Variants in PLD1 observed in about 807,000 individuals in gnomAD.
The protein encoded by PLD1 is phospholipase D1.
In PLD1, 112 loss-of-function variants were observed where a neutral mutation model predicts 137.1. That is an observed-to-expected ratio of 0.82 (90% CI 0.70 to 0.96). PLD1 has a LOEUF of 0.96. PLD1 is among the 40% of genes least tolerant of loss of function. The probability of loss-of-function intolerance (pLI) is 0.00; values close to 1 mark genes in which losing one functional copy is unlikely to be tolerated. For synonymous variants in PLD1, 431 were observed against 454.7 expected, an observed-to-expected ratio of 0.95 and a Z score of 0.66; for missense variants, 1,321 against 1,342.0, an observed-to-expected ratio of 0.98 and a Z score of 0.24.
chr3:171,755,731 A>G (rs1419980212), intron 1 of PLD1, among the ~76,000 whole-genome samples: 2 of 152,152 alleles, frequency 1.3e-5, no homozygotes, highest in African/African-American at 4.8e-5. Context: ...CCCTGAAGAG[A>G]GAGGCCATCT....
At chr3:171,737,478 C>G (rs1578385120) in intron 3 of PLD1, 54 bp downstream of exon 3, 10 of 1,505,340 alleles carry the variant, frequency 6.6e-6, no homozygotes, top group Admixed American at 2.1e-5. Context: ...AGGCTATGTA[C>G]TAATTCACAT....
chr3:171,708,761 T>C lies in PLD1; in HGVS notation c.1139A>G (p.Asp380Gly). Residue 380 changes from aspartate to glycine, a missense_variant, in exon 11 of 27, where the codon GAC (aspartate) becomes GGC (glycine). Coordinates refer to ENST00000351298, the MANE Select transcript of PLD1 (RefSeq NM_002662.5). ...CCCAGGGACAAATACTAACCACCAGTCTGTGATAAAAATCTCTTCATTTGC... is the reference window on the plus strand; with the variant it reads ...CCCAGGGACAAATACTAACCACCAGCCTGTGATAAAAATCTCTTCATTTGC... ...EEANEEIFIT[D>G]WWLSPEIFLK... The C allele has an allele frequency of 6.3e-7, 1 of 1,575,036 alleles. No individual in the cohort carries two copies. The highest frequency in any genetic ancestry group is 1.1e-5 in the South Asian group (1 of 90,316).
intron 21 of PLD1, among the ~76,000 whole-genome samples, chr3:171,646,815 T>C (rs1446577945): frequency 6.6e-6 from 1 of 152,198 alleles, no homozygotes; most frequent in African/African-American, 2.4e-5. Flanking sequence ...TTCAGGATTA[T>C]ACTGCCTTAC....
intron 22 of PLD1, chr3:171,643,147 T>C (rs1228839214): frequency 8.6e-6 from 3 of 347,938 alleles, no homozygotes; most frequent in Non-Finnish European, 5.1e-6. Flanking sequence ...AAAGAGAGGC[T>C]ATTAAAAAAA....
chr3:171,627,435 C>G (rs1734222267), intron 23 of PLD1, among the ~76,000 whole-genome samples: 1 of 152,156 alleles, frequency 6.6e-6, no homozygotes, highest in South Asian at 2.1e-4. Context: ...CCCCTGTCAA[C>G]ATTAGACAGA....
In PLD1 at chr3:171,747,358, C is replaced by A. The variant is rs527744380; in HGVS notation, c.-31-9276G>T. Reference sequence around the variant, plus strand: ...GCTGAGCACACTGATACAAAACAGTCGATCTGGATGATGTTCTATGTGATG... The same window carrying A: ...GCTGAGCACACTGATACAAAACAGTAGATCTGGATGATGTTCTATGTGATG... On this transcript the variant is annotated intron_variant, in intron 1 of 26. Transcript: ENST00000351298. 2.3e-3 allele frequency among the ~76,000 whole-genome samples: 354 copies of A among 152,228 alleles called. 1 individual carries two copies. Among genetic ancestry groups the A allele is most frequent in the African/African-American group, 8.4e-3 (349 of 41,542 alleles).
chr3:171,627,890 T>C (rs1381635623), intron 23 of PLD1, among the ~76,000 whole-genome samples: 1 of 151,986 alleles, frequency 6.6e-6, no homozygotes, highest in African/African-American at 2.4e-5. Context: ...TAGCACTAAA[T>C]GCCCACAAGA....
At chr3:171,734,234 A>AATCAACCATTC (rs1719168856) in intron 5 of PLD1, among the ~76,000 whole-genome samples, 1 of 152,252 alleles carries the variant, frequency 6.6e-6, no homozygotes, top group African/African-American at 2.4e-5. Context: ...ACAAAGGAGA[A>AATCAACCATTC]ATCAAACATT....
chr3:171,631,917 C>G (rs6445012), intron 23 of PLD1, among the ~76,000 whole-genome samples: 77,343 of 151,944 alleles, frequency 0.51, 20,699 homozygotes, highest in African/African-American at 0.68. Context: ...AATTGATTCA[C>G]AGAATAATTA....
intron 1 of PLD1, among the ~76,000 whole-genome samples, chr3:171,766,316 A>G (rs557241589): frequency 6.6e-5 from 10 of 152,282 alleles, no homozygotes; most frequent in African/African-American, 2.4e-4. Context: ...TAAAATGAAT[A>G]TAAAGTAATC....
At chr3:171,627,347 C>A (rs1185876897) in intron 23 of PLD1, among the ~76,000 whole-genome samples, 1 of 152,116 alleles carries the variant, frequency 6.6e-6, no homozygotes, top group Admixed American at 6.5e-5. Flanking sequence ...CAGGAGCACC[C>A]AGATTCATAA....
chr3:171,712,973 G>A (rs1429529120), intron 9 of PLD1, among the ~76,000 whole-genome samples: 1 of 152,114 alleles, frequency 6.6e-6, no homozygotes, highest in Non-Finnish European at 1.5e-5. Context: ...ATGAAGCTAT[G>A]TTGGTAACTA....
In PLD1 at chr3:171,605,415, C is replaced by A. The variant is rs1247306250; in HGVS notation, c.2884G>T (p.Val962Phe). 6.3e-7 allele frequency: 1 copy of A among 1,583,606 alleles called. No homozygotes were observed. Among genetic ancestry groups the A allele is most frequent in the Non-Finnish European group, 8.7e-7 (1 of 1,152,354 alleles). Residue 962 changes from valine (V) to phenylalanine (F), a missense_variant and splice_region_variant, in exon 26 of 27, where the codon GTT (valine) becomes TTT (phenylalanine). Coordinates refer to ENST00000351298, the MANE Select transcript of PLD1 (RefSeq NM_002662.5). Reference sequence around the variant, plus strand: ...GGGTCATCAAGATAGCCAAGGACAACCCTGAAATACAAGTGACCTCCACAT... The same window carrying A: ...GGGTCATCAAGATAGCCAAGGACAAACCTGAAATACAAGTGACCTCCACAT... ...ARGLRLQCFR[V>F]VLGYLDDPSE...
chr3:171,782,077 CAT>C (rs1182451032), intron 1 of PLD1, among the ~76,000 whole-genome samples: 1 of 152,224 alleles, frequency 6.6e-6, no homozygotes, highest in African/African-American at 2.4e-5. Flanking sequence ...GACTGATACA[CAT>C]GATATGAATA....
At chr3:171,756,860 A>G (rs138992545) in intron 1 of PLD1, among the ~76,000 whole-genome samples, 202 of 152,346 alleles carry the variant, frequency 1.3e-3, no homozygotes, top group Non-Finnish European at 1.9e-3. Flanking sequence ...CAACTCCGTC[A>G]ATACACTAAA....
intron 25 of PLD1, among the ~76,000 whole-genome samples, chr3:171,609,503 AG>A (rs1374144627): frequency 2.3e-5 from 3 of 132,580 alleles, no homozygotes; most frequent in African/African-American, 5.7e-5. Context: ...AATTACATAA[AG>A]AAAACACACA....
chr3:171,714,481 T>C (rs1029154823), intron 8 of PLD1, among the ~76,000 whole-genome samples: 1 of 152,190 alleles, frequency 6.6e-6, no homozygotes, highest in African/African-American at 2.4e-5. Context: ...ACTGAATCAT[T>C]TGAAAACTGA....
intron 1 of PLD1, among the ~76,000 whole-genome samples, chr3:171,741,693 T>A (rs971644285): frequency 2.6e-5 from 4 of 152,260 alleles, no homozygotes; most frequent in Non-Finnish European, 4.4e-5. Flanking sequence ...AGGGTTTTTT[T>A]ATTCTCGTTT....
chr3:171,802,945 G>A (rs1053317588), intron 1 of PLD1, among the ~76,000 whole-genome samples: 1 of 152,202 alleles, frequency 6.6e-6, no homozygotes, highest in Non-Finnish European at 1.5e-5. Flanking sequence ...GGGCCCAGAA[G>A]GCACATGGGG....
Sources: allele counts gnomAD v4.1 joint callset (sites outside exome capture counted in the v4.1 genomes callset), GRCh38; gene constraint gnomAD v4.1.1; transcripts MANE v1.5; gene names NCBI Gene and HGNC (gene_info 2026-07-23, HGNC 2026-07-21).